The following RB1 variants were observed in gnomAD, a reference collection of about 807,000 sequenced individuals.
RB1 encodes RB transcriptional corepressor 1.
RB1 carries 18 observed loss-of-function variants against 135.4 expected under a neutral mutation model. That is an observed-to-expected ratio of 0.13 (90% CI 0.09 to 0.20). The LOEUF (loss-of-function observed/expected upper bound fraction) is 0.20, where lower values mean the gene tolerates loss of function less well. RB1 is among the 10% of genes least tolerant of loss of function. The pLI is 1.00. For missense variants in RB1, 868 were observed against 1,110.0 expected, an observed-to-expected ratio of 0.78 and a Z score of 3.10; for synonymous variants, 365 against 373.2, an observed-to-expected ratio of 0.98 and a Z score of 0.25.
At chr13:48,394,845 T>G (rs1948635749) in intron 17 of RB1, among the ~76,000 whole-genome samples, 1 of 152,230 alleles carries the variant, frequency 6.6e-6, no homozygotes, top group South Asian at 2.1e-4. Flanking sequence ...CATTCCTGCC[T>G]GCTGGCTCTG....
At chr13:48,360,202 A>G (rs1338486968) in intron 7 of RB1, 75 bp downstream of exon 7, 24 of 1,597,106 alleles carry the variant, frequency 1.5e-5, no homozygotes, top group Non-Finnish European at 2.0e-5. Context: ...GGTACCAAAC[A>G]TGGTTCTAAG....
chr13:48,379,841 TC>T lies in RB1; in HGVS notation c.1389+194del, dbSNP rs3092892. Among the ~76,000 whole-genome samples the T allele has an allele frequency of 0.024, 3,570 of 150,844 alleles. 150 individuals carry two copies. The highest frequency in any genetic ancestry group is 0.083 in the African/African-American group (3,404 of 40,944). On this transcript the variant is annotated intron_variant, in intron 14 of 26. Coordinates refer to ENST00000267163, the MANE Select transcript of RB1 (RefSeq NM_000321.3). Reference sequence around the variant, plus strand: ...TGGGCGTGGTGGTGTAGACCTGTAGTCCCAGCTACTTGGCAGGCTGAGGCAG... The same window carrying T: ...TGGGCGTGGTGGTGTAGACCTGTAGTCCAGCTACTTGGCAGGCTGAGGCAG...
In RB1 at chr13:48,451,954, T is replaced by C. The variant is rs181263120; in HGVS notation, c.1696-1039T>C. 6.8e-4 allele frequency among the ~76,000 whole-genome samples: 104 copies of C among 152,104 alleles called. 1 individual carries two copies. Among genetic ancestry groups the C allele is most frequent in the Admixed American group, 1.5e-3 (23 of 15,280 alleles). On this transcript the variant is annotated intron_variant, in intron 17 of 26. Transcript: ENST00000267163. Reference sequence around the variant, plus strand: ...TGTTTGTATTTCTTTGGGGTAAGGGTGGTATCTCCCTTGTCATTTCTGATT... The same window carrying C: ...TGTTTGTATTTCTTTGGGGTAAGGGCGGTATCTCCCTTGTCATTTCTGATT...
At position 48,446,876 on chromosome 13, in the gene RB1, C is replaced by T. The variant is rs370769900; in HGVS notation, c.1696-6117C>T. 2.1e-4 allele frequency among the ~76,000 whole-genome samples: 32 copies of T among 152,188 alleles called. 1 individual carries two copies. The South Asian group carries it at 6.0e-3, about 29-fold the overall frequency. ...AGATAAGGCATTTGAATTTATTCTACGTGTGACAGGAAGCTCTTGCAGGGT... is the reference window on the plus strand; with the variant it reads ...AGATAAGGCATTTGAATTTATTCTATGTGTGACAGGAAGCTCTTGCAGGGT... On this transcript the variant is annotated intron_variant, in intron 17 of 26. Transcript: ENST00000267163.
chr13:48,327,529 G>T (rs1277532170), intron 2 of RB1, among the ~76,000 whole-genome samples: 1 of 152,162 alleles, frequency 6.6e-6, no homozygotes. Flanking sequence ...TGATAGCAAT[G>T]CAACACCTAG....
chr13:48,406,927 C>T, intron 17 of RB1, among the ~76,000 whole-genome samples: 1 of 152,118 alleles, frequency 6.6e-6, no homozygotes, highest in African/African-American at 2.4e-5. Flanking sequence ...GGTTCTTACC[C>T]TGGCGCTACA....
chr13:48,333,806 A>G (rs1952358730), intron 2 of RB1, among the ~76,000 whole-genome samples: 1 of 151,264 alleles, frequency 6.6e-6, no homozygotes, highest in South Asian at 2.1e-4. Context: ...TCCTTTTTAG[A>G]ACTACGCTAG....
At chr13:48,442,186 C>T (rs1949243823) in intron 17 of RB1, among the ~76,000 whole-genome samples, 1 of 151,668 alleles carries the variant, frequency 6.6e-6, no homozygotes, top group Admixed American at 6.6e-5. Flanking sequence ...AGTATTAATT[C>T]TTCCTACAGT....
Position 48,456,162 on chromosome 13 carries a change from T to G in RB1, c.1815-42T>G, listed in dbSNP as rs1379750775. On this transcript the variant is annotated intron_variant, in intron 18 of 26. Coordinates refer to ENST00000267163, the MANE Select transcript of RB1 (RefSeq NM_000321.3). The stretch of plus-strand genomic sequence containing the variant: ...AAGTGTATGTATAATCTGTGATTCT[T>G]AGCCAACTTGAAATGAAGACTTTTC... 3.1e-6 allele frequency: 5 copies of G among 1,611,582 alleles called. No individual in the cohort carries two copies. In the South Asian group the frequency reaches 5.5e-5, roughly 18 times the overall value.
At chr13:48,339,373 C>T (rs774059739) in intron 2 of RB1, among the ~76,000 whole-genome samples, 6 of 152,320 alleles carry the variant, frequency 3.9e-5, no homozygotes, top group Admixed American at 1.3e-4. Context: ...TCAGCAATGG[C>T]GGGCGCCCCT....
intron 2 of RB1, chr13:48,318,492 T>G: frequency 5.2e-6 from 6 of 1,163,882 alleles, no homozygotes; most frequent in South Asian, 4.3e-5. Context: ...TGTCTTACCC[T>G]GGCCCTGCGT....
chr13:48,367,230 T>C (rs1952710947), intron 9 of RB1, among the ~76,000 whole-genome samples: 2 of 152,140 alleles, frequency 1.3e-5, no homozygotes, highest in African/African-American at 4.8e-5. Context: ...TACTGTTTTG[T>C]AGCATTGGCT....
chr13:48,418,118 A>G (rs1320065991), intron 17 of RB1, among the ~76,000 whole-genome samples: 5 of 152,138 alleles, frequency 3.3e-5, no homozygotes, highest in Admixed American at 3.3e-4. Flanking sequence ...AAAATGTTAA[A>G]AGCAGCCAGA....
At chr13:48,326,034 C>G (rs939771139) in intron 2 of RB1, among the ~76,000 whole-genome samples, 5 of 152,130 alleles carry the variant, frequency 3.3e-5, no homozygotes, top group African/African-American at 7.2e-5. Flanking sequence ...ACTTCTCTAT[C>G]CATTGCACTC....
intron 1 of RB1, among the ~76,000 whole-genome samples, chr13:48,304,384 A>G (rs1593412689): frequency 2.0e-5 from 3 of 152,166 alleles, no homozygotes; most frequent in Admixed American, 6.5e-5. Flanking sequence ...GAAAAATAAA[A>G]ATACAAAAAT....
At chr13:48,445,599 G>A (rs198571) in intron 17 of RB1, among the ~76,000 whole-genome samples, 118,990 of 152,032 alleles carry the variant, frequency 0.78, 52,306 homozygotes, top group Non-Finnish European at 0.97. Context: ...AAGACTCAGC[G>A]TCCATGTTAC....
intron 2 of RB1, among the ~76,000 whole-genome samples, chr13:48,338,545 T>C (rs198632): frequency 0.92 from 140,754 of 152,260 alleles, 65,657 homozygotes; most frequent in East Asian, 1. Flanking sequence ...TATTTAAGGA[T>C]TTCTCTACAC....
chr13:48,476,566 C>A, intron 24 of RB1, 135 bp from the exon 25 acceptor site: 1 of 874,498 alleles, frequency 1.1e-6, no homozygotes, highest in Non-Finnish European at 1.8e-6. Flanking sequence ...TTTATTTGGT[C>A]CAATGAAGCA....
chr13:48,375,264 T>A (rs1952809085), intron 12 of RB1, among the ~76,000 whole-genome samples: 1 of 152,184 alleles, frequency 6.6e-6, no homozygotes, highest in Non-Finnish European at 1.5e-5. Context: ...AGATGATAAG[T>A]TGCATATGTC....
Sources: gnomAD v4.1 joint callset for allele counts (sites outside exome capture counted in the v4.1 genomes callset) on GRCh38, gnomAD v4.1.1 for gene constraint, MANE v1.5 for transcripts, NCBI Gene and HGNC (gene_info 2026-07-23, HGNC 2026-07-21) for gene names.